Variants in NPIPA1 observed in about 807,000 individuals in gnomAD.
NPIPA1 encodes nuclear pore complex-interacting protein family member A1.
For synonymous variants in NPIPA1, 7 were observed against 88.0 expected (o/e 0.08, Z 5.15); for missense variants, 22 against 232.2 (o/e 0.09, Z 5.88).
chr16:14,940,461 C>G (rs1965723145), intron 1 of NPIPA1, among the ~76,000 whole-genome samples: 1 of 151,574 alleles, frequency 6.6e-6, no homozygotes, highest in African/African-American at 2.4e-5. Context: ...GTATTGCCAG[C>G]ACTTTGGGAG....
chr16:14,941,218 G>A (rs1400393259), intron 1 of NPIPA1, among the ~76,000 whole-genome samples: 6 of 149,796 alleles, frequency 4.0e-5, no homozygotes, highest in African/African-American at 7.3e-5. Context: ...CAGGCAGATC[G>A]CCTGTCAGGA....
chr16:14,946,441 C>T (rs1348031296), intron 4 of NPIPA1, among the ~76,000 whole-genome samples: 1 of 150,472 alleles, frequency 6.6e-6, no homozygotes, highest in Non-Finnish European at 1.5e-5. Context: ...AGACTGGTCT[C>T]GAACTTCTGA....
intron 1 of NPIPA1, among the ~76,000 whole-genome samples, chr16:14,939,827 G>A (rs1212200844): frequency 9.6e-5 from 2 of 20,822 alleles, no homozygotes; most frequent in Non-Finnish European, 2.7e-4. Context: ...AGAGTCTAAT[G>A]GAATTAATAT....
intron 2 of NPIPA1, among the ~76,000 whole-genome samples, chr16:14,943,790 A>C (rs1219486065): frequency 6.6e-6 from 1 of 152,034 alleles, no homozygotes; most frequent in Non-Finnish European, 1.5e-5. Flanking sequence ...ATCCTAGTAC[A>C]TGATTTTTTT....
intron 2 of NPIPA1, among the ~76,000 whole-genome samples, chr16:14,943,763 C>T (rs1965809882): frequency 6.6e-6 from 1 of 152,054 alleles, no homozygotes; most frequent in African/African-American, 2.4e-5. Flanking sequence ...TTTAGATTAC[C>T]CATTGCTTCT....
intron 1 of NPIPA1, among the ~76,000 whole-genome samples, chr16:14,940,283 G>A (rs1226970147): frequency 7.4e-6 from 1 of 135,126 alleles, no homozygotes; most frequent in Non-Finnish European, 1.6e-5. Flanking sequence ...TTTTACTTAT[G>A]CTGAGCTTTA....
chr16:14,944,828 T>C (rs1965841993), intron 2 of NPIPA1, among the ~76,000 whole-genome samples: 1 of 150,956 alleles, frequency 6.6e-6, no homozygotes, highest in African/African-American at 2.4e-5. Context: ...ATGGTCTCCA[T>C]CTCTTGACCT....
At chr16:14,943,768 G>T (rs1429424620) in intron 2 of NPIPA1, among the ~76,000 whole-genome samples, 9 of 152,154 alleles carry the variant, frequency 5.9e-5, no homozygotes, top group Non-Finnish European at 1.2e-4. Flanking sequence ...ATTACCCATT[G>T]CTTCTCTTGA....
chr16:14,947,098 C>T (rs1307145479), intron 4 of NPIPA1, among the ~76,000 whole-genome samples: 2 of 152,234 alleles, frequency 1.3e-5, no homozygotes, highest in East Asian at 3.9e-4. Context: ...GTGTGAGCCA[C>T]CGCACCCAGC....
rs1300743621 is a variant in NPIPA1, at chr16:14,941,212, C to T, written c.64-600C>T. ...CAGCACTTTGGGAGGCCGAGGCAGG[C>T]AGATCGCCTGTCAGGAGTTCAAGGC... On this transcript the variant is annotated intron_variant, in intron 1 of 7. Coordinates refer to ENST00000328085, the MANE Select transcript of NPIPA1 (RefSeq NM_006985.4). 2.7e-5 allele frequency among the ~76,000 whole-genome samples: 4 copies of T among 150,370 alleles called. No homozygotes were observed. In the Admixed American group the frequency reaches 2.7e-4, roughly 10 times the overall value.
At chr16:14,943,574 C>A (rs1965805436) in intron 2 of NPIPA1, among the ~76,000 whole-genome samples, 4 of 148,802 alleles carry the variant, frequency 2.7e-5, no homozygotes, top group Non-Finnish European at 4.4e-5. Flanking sequence ...GTCATCTATA[C>A]CATTACCTCC....
intron 1 of NPIPA1, among the ~76,000 whole-genome samples, chr16:14,940,487 T>C (rs1414027750): frequency 6.7e-6 from 1 of 148,596 alleles, no homozygotes; most frequent in Non-Finnish European, 1.5e-5. Context: ...GGCAGGTGGA[T>C]CATGAGGTCA....
At chr16:14,947,831 T>A (rs1332737638) in intron 4 of NPIPA1, among the ~76,000 whole-genome samples, 3 of 152,144 alleles carry the variant, frequency 2.0e-5, no homozygotes, top group Admixed American at 6.6e-5. Context: ...AGTTCCCAAG[T>A]GCACAGCAGG....
At chr16:14,941,314 A>G (rs1355129085) in intron 1 of NPIPA1, among the ~76,000 whole-genome samples, 1 of 129,642 alleles carries the variant, frequency 7.7e-6, no homozygotes, top group African/African-American at 2.9e-5. Flanking sequence ...AGAGACCTGT[A>G]ATCTCAGCTG....
intron 2 of NPIPA1, among the ~76,000 whole-genome samples, chr16:14,943,429 T>C (rs1965801418): frequency 6.7e-6 from 1 of 148,298 alleles, no homozygotes; most frequent in South Asian, 2.2e-4. Context: ...GTGCTGGGAT[T>C]ACAAGCGTGA....
chr16:14,938,945 C>T (rs1965690864), intron 1 of NPIPA1, among the ~76,000 whole-genome samples: 1 of 143,920 alleles, frequency 6.9e-6, no homozygotes, highest in African/African-American at 2.6e-5. Flanking sequence ...AGGATAGTCT[C>T]CATGTCTTGA....
chr16:14,947,948 C>A (rs1403147096), intron 4 of NPIPA1, among the ~76,000 whole-genome samples: 12 of 152,214 alleles, frequency 7.9e-5, no homozygotes, highest in Admixed American at 2.0e-4. Context: ...ACCACACACA[C>A]CTTGTTTGAG....
intron 2 of NPIPA1, among the ~76,000 whole-genome samples, chr16:14,945,352 C>T (rs1475255828): frequency 2.0e-5 from 3 of 146,668 alleles, no homozygotes; most frequent in Admixed American, 6.9e-5. Flanking sequence ...CAGCTTCAAA[C>T]GGTTCTCTGC....
intron 2 of NPIPA1, among the ~76,000 whole-genome samples, chr16:14,944,748 G>A (rs1439914868): frequency 6.7e-6 from 1 of 150,192 alleles, no homozygotes; most frequent in Admixed American, 6.6e-5. Flanking sequence ...TGGGACTACA[G>A]GCGTGCGCCA....
Sources: allele counts gnomAD v4.1 joint callset (sites outside exome capture counted in the v4.1 genomes callset), GRCh38; gene constraint gnomAD v4.1.1; transcripts MANE v1.5; gene names NCBI Gene and HGNC (gene_info 2026-07-23, HGNC 2026-07-21).